ZFHX3: variants seen among roughly 807,000 people sequenced by gnomAD.
ZFHX3 encodes zinc finger homeobox 3, also known as zinc finger homeobox protein 3.
In ZFHX3, 42 loss-of-function variants were observed where a neutral mutation model predicts 279.1. That is an observed-to-expected ratio of 0.15 (90% CI 0.12 to 0.19). The LOEUF (loss-of-function observed/expected upper bound fraction) is 0.19. Among genes scored for constraint, ZFHX3 ranks in the 10% least tolerant of loss-of-function variants. The pLI is 1.00. For missense variants in ZFHX3, 4,981 were observed against 4,754.0 expected, an observed-to-expected ratio of 1.05 and a Z score of -1.40; for synonymous variants, 2,293 against 1,957.8, an observed-to-expected ratio of 1.17 and a Z score of -4.52.
At chr16:73,615,344 C>G (rs1218645168) in intron 2 of ZFHX3, among the ~76,000 whole-genome samples, 1 of 152,040 alleles carries the variant, frequency 6.6e-6, no homozygotes, top group East Asian at 1.9e-4. Flanking sequence ...GATTCCAGCT[C>G]TCAGGAGGTA....
At chr16:73,602,471 C>G (rs1442361720) in intron 2 of ZFHX3, among the ~76,000 whole-genome samples, 1 of 152,074 alleles carries the variant, frequency 6.6e-6, no homozygotes, top group Non-Finnish European at 1.5e-5. Flanking sequence ...GGGGAGAAAA[C>G]CAAGCAAGGC....
chr16:73,541,689 G>C (rs988674890), intron 2 of ZFHX3, among the ~76,000 whole-genome samples: 1 of 151,608 alleles, frequency 6.6e-6, no homozygotes, highest in Non-Finnish European at 1.5e-5. Context: ...GGATGAGAGA[G>C]AGGCGGCTCG....
chr16:72,873,985 C>T (rs1379046999), intron 4 of ZFHX3, among the ~76,000 whole-genome samples: 2 of 152,134 alleles, frequency 1.3e-5, no homozygotes, highest in Non-Finnish European at 2.9e-5. Flanking sequence ...TAACAGAACA[C>T]TCACTTTATT....
chr16:73,817,596 G>A (rs997127833), intron 1 of ZFHX3, among the ~76,000 whole-genome samples: 12 of 152,144 alleles, frequency 7.9e-5, no homozygotes, highest in African/African-American at 2.2e-4. Context: ...AAAGCAGTTC[G>A]AATAGCTTTA....
intron 8 of ZFHX3, among the ~76,000 whole-genome samples, chr16:73,074,193 G>A (rs1000070677): frequency 3.3e-5 from 5 of 152,108 alleles, no homozygotes; most frequent in Non-Finnish European, 5.9e-5. Flanking sequence ...AGAATAATAC[G>A]AAGGAGGTTC....
intron 4 of ZFHX3, among the ~76,000 whole-genome samples, chr16:72,854,281 C>T (rs750934230): frequency 8.5e-5 from 13 of 152,292 alleles, no homozygotes; most frequent in Non-Finnish European, 8.8e-5. Context: ...TTTGAGGATT[C>T]GAGACAGTGG....
At chr16:73,328,902 C>T (rs944903846) in intron 3 of ZFHX3, among the ~76,000 whole-genome samples, 3 of 152,178 alleles carry the variant, frequency 2.0e-5, no homozygotes, top group African/African-American at 7.2e-5. Flanking sequence ...GTGGGCAGTG[C>T]AAATCCATGC....
At chr16:73,469,590 T>A (rs890217620) in intron 2 of ZFHX3, among the ~76,000 whole-genome samples, 2 of 152,010 alleles carry the variant, frequency 1.3e-5, no homozygotes, top group African/African-American at 4.8e-5. Context: ...TTTAAAAACA[T>A]CCTGGTACCT....
chr16:73,834,010 C>T (rs1379055766), intron 1 of ZFHX3, among the ~76,000 whole-genome samples: 1 of 151,948 alleles, frequency 6.6e-6, no homozygotes, highest in Non-Finnish European at 1.5e-5. Flanking sequence ...ATGAATTACA[C>T]CATGAAGGGC....
chr16:73,386,782 A>T (rs1473287015), intron 3 of ZFHX3: 1 of 150,176 alleles, frequency 6.7e-6, no homozygotes, highest in African/African-American at 2.5e-5. Flanking sequence ...AGATTGGAGG[A>T]GTTGCTGAGT....
At chr16:73,286,557 G>A (rs900525760) in intron 4 of ZFHX3, among the ~76,000 whole-genome samples, 14 of 151,144 alleles carry the variant, frequency 9.3e-5, no homozygotes, top group East Asian at 3.9e-4. Flanking sequence ...GGGTGTGTGC[G>A]TTGGTGTGTG....
chr16:72,806,325 G>T (rs999893535), intron 7 of ZFHX3, among the ~76,000 whole-genome samples: 1 of 152,218 alleles, frequency 6.6e-6, no homozygotes, highest in African/African-American at 2.4e-5. Context: ...TGAAAAGGTA[G>T]ATGGGAGAAC....
At chr16:73,832,379 G>C (rs1961021574) in intron 1 of ZFHX3, among the ~76,000 whole-genome samples, 1 of 152,060 alleles carries the variant, frequency 6.6e-6, no homozygotes, top group Admixed American at 6.5e-5. Flanking sequence ...TATAAGGAAT[G>C]GTCACCTAGT....
At chr16:73,651,060 A>G (rs934565496) in intron 2 of ZFHX3, among the ~76,000 whole-genome samples, 5 of 152,208 alleles carry the variant, frequency 3.3e-5, no homozygotes, top group Non-Finnish European at 7.3e-5. Context: ...GCAGGACACT[A>G]TAAAAATATG....
chr16:73,490,403 TA>T (rs2019040058), intron 2 of ZFHX3, among the ~76,000 whole-genome samples: 1 of 152,258 alleles, frequency 6.6e-6, no homozygotes, highest in Admixed American at 6.5e-5. Context: ...TTCATGCTAC[TA>T]AAAATTTTAT....
At chr16:73,304,132 G>C (rs537308288) in intron 4 of ZFHX3, among the ~76,000 whole-genome samples, 1 of 152,108 alleles carries the variant, frequency 6.6e-6, no homozygotes, top group African/African-American at 2.4e-5. Context: ...TCAGCCTCAC[G>C]GAGCTTGCAG....
At position 73,143,887 on chromosome 16, in the gene ZFHX3, C is replaced by T. The variant is rs1259352891; in HGVS notation, c.-1103-56G>A. On this transcript the variant is annotated intron_variant, in intron 5 of 17. Coordinates refer to the ZFHX3 transcript ENST00000641206. ...GTTGGGGAGATGTTTGGCAAACCTT[C>T]GCAGGCCAAGTGGCTAATGAATGAT... 1.3e-5 allele frequency: 10 copies of T among 752,374 alleles called. No individual in the cohort carries two copies. In the East Asian group the frequency reaches 3.3e-4, roughly 25 times the overall value. The allele number at this position is 752,374 out of a possible 1,614,324, so 46.6% of individuals were successfully genotyped here.
rs60477881 is a variant in ZFHX3 at position 73,634,433 on chromosome 16, A to AATATATATATATATATATATAT, written c.-1547+45725_-1547+45746dup. Among the ~76,000 whole-genome samples the AATATATATATATATATATATAT allele has an allele frequency of 3.4e-3, 205 of 59,646 alleles. 2 individuals are homozygous for AATATATATATATATATATATAT. Among genetic ancestry groups the AATATATATATATATATATATAT allele is most frequent in the African/African-American group, 8.6e-3 (196 of 22,748 alleles). 39.1% of individuals were successfully genotyped at this position (59,646 alleles called of 152,430 possible). A position where few individuals can be genotyped will look rare whatever the true frequency, so the allele number is the denominator to read the frequency against. Reference sequence around the variant, plus strand: ...GGCAACTCAACCAGTTATTATGTATAATATATATATATATATATATATATA... The same window carrying AATATATATATATATATATATAT: ...GGCAACTCAACCAGTTATTATGTATAATATATATATATATATATATATATATATATATATATATATATATATA... On this transcript the variant is annotated intron_variant, in intron 2 of 17. Transcript: ENST00000641206.
chr16:73,006,993 T>C (rs560899020), intron 1 of ZFHX3, among the ~76,000 whole-genome samples: 1 of 152,334 alleles, frequency 6.6e-6, no homozygotes, highest in Admixed American at 6.5e-5. Flanking sequence ...CCCAATTTTT[T>C]CCCCAAATAT....
Sources: gnomAD v4.1 joint callset for allele counts (sites outside exome capture counted in the v4.1 genomes callset) on GRCh38, gnomAD v4.1.1 for gene constraint, MANE v1.5 for transcripts, NCBI Gene and HGNC (gene_info 2026-07-23, HGNC 2026-07-21) for gene names.